Variants in MAP10 observed in about 807,000 individuals in gnomAD.
MAP10 encodes the protein microtubule-associated protein 10.
MAP10 carries 10 observed loss-of-function variants against 6.3 expected under a neutral mutation model. The ratio of observed to expected loss-of-function variants is 1.58; its 90% CI spans 0.98 to 2.69. The LOEUF (loss-of-function observed/expected upper bound fraction) is 2.69. MAP10 is among the 30% of genes most tolerant of loss of function. The pLI, the probability that MAP10 is intolerant of heterozygous loss-of-function variation, is 0.00. For synonymous variants in MAP10, 459 were observed against 429.3 expected, an observed-to-expected ratio of 1.07 and a Z score of -0.86; for missense variants, 1,189 against 1,086.5, an observed-to-expected ratio of 1.09 and a Z score of -1.33.
Position 232,806,864 on chromosome 1 carries a change from A to G in MAP10, c.1415A>G (p.Asn472Ser). 6.2e-7 allele frequency: 1 copy of G among 1,611,348 alleles called. No homozygotes were observed. Among genetic ancestry groups the G allele is most frequent in the Non-Finnish European group, 8.5e-7 (1 of 1,179,146 alleles). ...SLQYKKNQIE[N>S]YKEDKYSEKS... The stretch of plus-strand genomic sequence containing the variant: ...CAGTATAAAAAGAACCAAATTGAAA[A>G]CTATAAGGAAGATAAATATTCTGAA... The change falls in exon 1 of 1, where the codon AAC becomes AGC. Residue 472 changes from asparagine (N) to serine (S), a missense_variant. Transcript: ENST00000418460.
chr1:232,806,748 G>A lies in MAP10; in HGVS notation c.1299G>A (p.Lys433=). ...LAWLYRTEDK[K]SPESSAKSTC... is the part of the protein sequence containing the mutation. ...GGTTATATAGGACTGAGGATAAGAA[G>A]TCACCCGAATCTTCTGCCAAATCCA... is the stretch of plus-strand genomic sequence containing the variant. Residue 433 remains lysine (K), a synonymous_variant, in exon 1 of 1, where the codon AAG becomes AAA. Coordinates refer to ENST00000418460, the MANE Select transcript of MAP10 (RefSeq NM_019090.3). 2 of 1,613,748 alleles carry A rather than the reference G, an allele frequency of 1.2e-6. No homozygotes were observed. The highest frequency in any genetic ancestry group is 1.7e-6 in the Non-Finnish European group (2 of 1,179,862).
chr1:232,807,297 A>G lies in MAP10; in HGVS notation c.1848A>G (p.Glu616=), dbSNP rs1487286986. Residue 616 remains glutamate, a synonymous_variant, in exon 1 of 1, where the codon GAA becomes GAG. Coordinates refer to ENST00000418460, the MANE Select transcript of MAP10 (RefSeq NM_019090.3). ...SKNRINNVSL[E]EVVSPANSII... ...ATAGAATCAATAATGTTTCATTGGA[A>G]GAAGTTGTGAGTCCTGCAAATTCCA... 7 of 1,613,596 alleles carry G rather than the reference A, an allele frequency of 4.3e-6. No homozygotes were observed. Among genetic ancestry groups the G allele is most frequent in the Non-Finnish European group, 5.9e-6 (7 of 1,179,812 alleles).
the MAP10 span, chr1:232,808,011 C>G: frequency 7.4e-6 from 12 of 1,613,432 alleles, no homozygotes; most frequent in Non-Finnish European, 1.0e-5. Context: ...TGAGTTCTTA[C>G]CTGCCTTCAA....
chr1:232,807,843 T>C lies in MAP10; in HGVS notation c.2394T>C (p.Asp798=). 1 of 1,613,536 alleles carries C rather than the reference T, an allele frequency of 6.2e-7. No homozygotes were observed. The highest frequency in any genetic ancestry group is 1.1e-5 in the South Asian group (1 of 91,030). ...LEEASSISAS[D]LSSTHWTEQK... ...AAGCATCTAGTATCTCTGCTAGTGA[T>C]TTATCTTCAACACATTGGACTGAAC... The change falls in exon 1 of 1, where the codon GAT becomes GAC. Residue 798 remains aspartate (D), a synonymous_variant. Transcript: ENST00000418460.
At position 232,805,789 on chromosome 1, in the gene MAP10, G is replaced by A. The variant is rs201385301; in HGVS notation, c.340G>A (p.Ala114Thr). Reference protein sequence around the residue: ...LHCRLLRTPLATLLLQLPPGR... With the variant: ...LHCRLLRTPLTTLLLQLPPGR... ...CTGCCGGCTCCTGCGGACCCCGCTTGCCACCTTGCTGCTGCAGCTGCCCCC... is the reference window on the plus strand; with the variant it reads ...CTGCCGGCTCCTGCGGACCCCGCTTACCACCTTGCTGCTGCAGCTGCCCCC... Residue 114 changes from alanine to threonine, a missense_variant, in exon 1 of 1, where the codon GCC (alanine) becomes ACC (threonine). Coordinates refer to ENST00000418460, the MANE Select transcript of MAP10 (RefSeq NM_019090.3). The A allele has an allele frequency of 1.3e-3, 2,008 of 1,598,972 alleles. 1 individual carries two copies. Among genetic ancestry groups the A allele is most frequent in the Admixed American group, 1.7e-3 (98 of 59,098 alleles).
Position 232,805,420 on chromosome 1 carries a change from C to A in MAP10, c.-30C>A, listed in dbSNP as rs1666074440. ...GGGCTTCAGCTTCTCGTTTGCGGAG[C>A]CCGCGGCGGCGTTTCCTGGGGCAAC... On this transcript the variant is annotated 5_prime_UTR_variant, in exon 1 of 1. Coordinates refer to ENST00000418460, the MANE Select transcript of MAP10 (RefSeq NM_019090.3). The A allele has an allele frequency of 1.2e-6, 2 of 1,612,812 alleles. No homozygotes were observed.
Position 232,806,312 on chromosome 1 carries a change from A to G in MAP10, c.863A>G (p.Glu288Gly). Residue 288 changes from glutamate (E) to glycine (G), a missense_variant, in exon 1 of 1, where the codon GAA becomes GGA. Glu to Gly is a moderately conservative substitution (Grantham distance 98). Coordinates refer to ENST00000418460, the MANE Select transcript of MAP10 (RefSeq NM_019090.3). ...NGRNVSSLNE[E>G]VTELDMETNI... is the part of the protein sequence containing the mutation. ...AGAAATGTTAGCTCCCTAAATGAGG[A>G]AGTCACAGAATTGGACATGGAGACC... The G allele has an allele frequency of 1.2e-6, 2 of 1,613,992 alleles. No individual in the cohort carries two copies. The highest frequency in any genetic ancestry group is 1.7e-6 in the Non-Finnish European group (2 of 1,179,894).
At position 232,807,880 on chromosome 1, in the gene MAP10, C is replaced by G. The variant is rs751095346; in HGVS notation, c.2431C>G (p.Gln811Glu). ...ACATTGGACTGAACAAAAAGAAAAC[C>G]AGATAGATCAAAATAGTATGCACAA... ...STHWTEQKEN[Q>E]IDQNSMHNSE... Residue 811 changes from glutamine (Q) to glutamate (E), a missense_variant, in exon 1 of 1, where the codon CAG becomes GAG. Gln to Glu is a conservative substitution (Grantham distance 29). Coordinates refer to ENST00000418460, the MANE Select transcript of MAP10 (RefSeq NM_019090.3). 2 of 1,613,324 alleles carry G rather than the reference C, an allele frequency of 1.2e-6. No homozygotes were observed. The highest frequency in any genetic ancestry group is 2.2e-5 in the East Asian group (1 of 44,868).
At position 232,805,710 on chromosome 1, in the gene MAP10, C is replaced by G; in HGVS notation, c.261C>G (p.Ile87Met). ...APAAEPWPGVIRFGRGKSCLF... is the reference protein window; with the variant it reads ...APAAEPWPGVMRFGRGKSCLF... The stretch of plus-strand genomic sequence containing the variant: ...CCGCCGAACCGTGGCCCGGTGTCAT[C>G]CGCTTCGGTCGCGGCAAGTCCTGCC... The change falls in exon 1 of 1, where the codon ATC (isoleucine) becomes ATG (methionine). Residue 87 changes from isoleucine (I) to methionine (M), a missense_variant. Coordinates refer to ENST00000418460, the MANE Select transcript of MAP10 (RefSeq NM_019090.3). The G allele has an allele frequency of 6.2e-7, 1 of 1,604,194 alleles. No individual in the cohort carries two copies. Among genetic ancestry groups the G allele is most frequent in the Non-Finnish European group, 8.5e-7 (1 of 1,179,250 alleles).
Position 232,806,840 on chromosome 1 carries a change from A to T in MAP10, c.1391A>T (p.Gln464Leu), listed in dbSNP as rs548973278. ...VGGCEKSVSLQYKKNQIENYK... is the reference protein window; with the variant it reads ...VGGCEKSVSLLYKKNQIENYK... The stretch of plus-strand genomic sequence containing the variant: ...GGATGTGAAAAGTCAGTGAGTCTTC[A>T]GTATAAAAAGAACCAAATTGAAAAC... Residue 464 changes from glutamine (Q) to leucine (L), a missense_variant, in exon 1 of 1, where the codon CAG becomes CTG. Gln to Leu is a moderately radical substitution (Grantham distance 113). Coordinates refer to ENST00000418460, the MANE Select transcript of MAP10 (RefSeq NM_019090.3). The T allele has an allele frequency of 1.2e-6, 2 of 1,613,156 alleles. No homozygotes were observed. Among genetic ancestry groups the T allele is most frequent in the Non-Finnish European group, 1.7e-6 (2 of 1,179,628 alleles).
In MAP10 at chr1:232,807,461, C is replaced by T; in HGVS notation, c.2012C>T (p.Thr671Ile). 1 of 1,613,694 alleles carries T rather than the reference C, an allele frequency of 6.2e-7. No individual in the cohort carries two copies. The highest frequency in any genetic ancestry group is 8.5e-7 in the Non-Finnish European group (1 of 1,179,774). ...DKEIDIRQVK[T>I]TDNDILMADI... The stretch of plus-strand genomic sequence containing the variant: ...GAAATAGATATTAGACAGGTCAAAA[C>T]CACAGATAATGACATTCTTATGGCT... Residue 671 changes from threonine (T) to isoleucine (I), a missense_variant, in exon 1 of 1, where the codon ACC becomes ATC. Coordinates refer to ENST00000418460, the MANE Select transcript of MAP10 (RefSeq NM_019090.3).
the MAP10 span, chr1:232,807,097 G>T: frequency 6.2e-7 from 1 of 1,612,000 alleles, no homozygotes; most frequent in South Asian, 1.1e-5. Flanking sequence ...AAGCTCTGCA[G>T]AACAAAGTCA....
Position 232,806,596 on chromosome 1 carries a change from C to G in MAP10, c.1147C>G (p.Gln383Glu). 1.2e-6 allele frequency: 2 copies of G among 1,613,852 alleles called. No individual in the cohort carries two copies. Among genetic ancestry groups the G allele is most frequent in the Non-Finnish European group, 8.5e-7 (1 of 1,179,820 alleles). ...QNIGATNQTCQTEQNRINTIR... is the reference protein window; with the variant it reads ...QNIGATNQTCETEQNRINTIR... The stretch of plus-strand genomic sequence containing the variant: ...TATAGGAGCAACTAATCAAACATGT[C>G]AAACTGAACAAAATCGAATTAATAC... The change falls in exon 1 of 1, where the codon CAA (glutamine) becomes GAA (glutamate). Residue 383 changes from glutamine (Q) to glutamate (E), a missense_variant. Transcript: ENST00000418460.
Position 232,809,476 on chromosome 1 carries a change from A to G in MAP10, c.*1309A>G, listed in dbSNP as rs1666164748. Among the ~76,000 whole-genome samples, 1 of 152,046 alleles carries G rather than the reference A, an allele frequency of 6.6e-6. No individual in the cohort carries two copies. The highest frequency in any genetic ancestry group is 2.4e-5 in the African/African-American group (1 of 41,454). On this transcript the variant is annotated 3_prime_UTR_variant, in exon 1 of 1. Transcript: ENST00000418460. ...GGAATGAGCCTGATATATTTATGGGACAATTTAAAATATTATCTTGAATAG... is the reference window on the plus strand; with the variant it reads ...GGAATGAGCCTGATATATTTATGGGGCAATTTAAAATATTATCTTGAATAG...
Position 232,806,931 on chromosome 1 carries a change from G to A in MAP10, c.1482G>A (p.Arg494=). 1.2e-6 allele frequency: 2 copies of A among 1,608,292 alleles called. No individual in the cohort carries two copies. Among genetic ancestry groups the A allele is most frequent in the Non-Finnish European group, 1.7e-6 (2 of 1,178,602 alleles). ...TCCATAAAAGAGTTCCAAAAGGGAG[G>A]CTACTTTATGGCTTAACAAATACAC... ...GALHKRVPKG[R]LLYGLTNTLR... Residue 494 remains arginine, a synonymous_variant, in exon 1 of 1, where the codon AGG becomes AGA. Coordinates refer to ENST00000418460, the MANE Select transcript of MAP10 (RefSeq NM_019090.3).
rs769043513 is a variant in MAP10 at position 232,806,461 on chromosome 1, C to T, written c.1012C>T (p.Pro338Ser). 7 of 1,613,744 alleles carry T rather than the reference C, an allele frequency of 4.3e-6. No individual in the cohort carries two copies. The highest frequency in any genetic ancestry group is 5.1e-6 in the Non-Finnish European group (6 of 1,179,884). ...ACCTGAGGAAATGGATGATGCTTCT[C>T]CTGAAAAAAAGCGTGTAAATCCCCC... ...NAPEEMDDAS[P>S]EKKRVNPPAH... Residue 338 changes from proline to serine, a missense_variant, in exon 1 of 1, where the codon CCT (proline) becomes TCT (serine). Physicochemically the swap from Pro to Ser is moderately conservative, Grantham distance 74. Coordinates refer to ENST00000418460, the MANE Select transcript of MAP10 (RefSeq NM_019090.3).
chr1:232,806,137 G>T lies in MAP10; in HGVS notation c.688G>T (p.Ala230Ser). Residue 230 changes from alanine (A) to serine (S), a missense_variant, in exon 1 of 1, where the codon GCT becomes TCT. Coordinates refer to ENST00000418460, the MANE Select transcript of MAP10 (RefSeq NM_019090.3). ...QPASQPSPKEADKPLGELEIP... is the reference protein window; with the variant it reads ...QPASQPSPKESDKPLGELEIP... ...AGCCTCACAGCCAAGCCCAAAAGAG[G>T]CTGATAAGCCGCTGGGGGAGTTAGA... The T allele has an allele frequency of 6.2e-7, 1 of 1,614,032 alleles. No homozygotes were observed. Among genetic ancestry groups the T allele is most frequent in the Non-Finnish European group, 8.5e-7 (1 of 1,179,906 alleles).
the MAP10 span, chr1:232,807,730 ATCCTT>A: frequency 7.4e-6 from 12 of 1,613,832 alleles, no homozygotes; most frequent in Non-Finnish European, 8.5e-7. Context: ...CAGGAGTTCT[ATCCTT>A]AGCCCACCTT....
chr1:232,807,857 A>T lies in MAP10; in HGVS notation c.2408A>T (p.His803Leu), dbSNP rs764353469. The T allele has an allele frequency of 6.2e-7, 1 of 1,613,548 alleles. No homozygotes were observed. Among genetic ancestry groups the T allele is most frequent in the African/African-American group, 1.3e-5 (1 of 74,910 alleles). The change falls in exon 1 of 1, where the codon CAT (histidine) becomes CTT (leucine). Residue 803 changes from histidine to leucine, a missense_variant. Coordinates refer to ENST00000418460, the MANE Select transcript of MAP10 (RefSeq NM_019090.3). Reference protein sequence around the residue: ...SISASDLSSTHWTEQKENQID... With the variant: ...SISASDLSSTLWTEQKENQID... ...TCTGCTAGTGATTTATCTTCAACAC[A>T]TTGGACTGAACAAAAAGAAAACCAG...
Sources: gnomAD v4.1 joint callset for allele counts (sites outside exome capture counted in the v4.1 genomes callset) on GRCh38, gnomAD v4.1.1 for gene constraint, MANE v1.5 for transcripts, NCBI Gene and HGNC (gene_info 2026-07-23, HGNC 2026-07-21) for gene names.